ZFP36L1: variants seen among roughly 807,000 people sequenced by gnomAD.
ZFP36L1 encodes the protein mRNA decay activator protein ZFP36L1.
In ZFP36L1, 4 loss-of-function variants were observed where a neutral mutation model predicts 16.7. The ratio of observed to expected loss-of-function variants is 0.24; its 90% CI spans 0.12 to 0.55. ZFP36L1 has a LOEUF of 0.55. Among genes scored for constraint, ZFP36L1 ranks in the 20% least tolerant of loss-of-function variants. The pLI, the probability that ZFP36L1 is intolerant of heterozygous loss-of-function variation, is 0.94. For missense variants in ZFP36L1, 311 were observed against 449.2 expected (o/e 0.69, Z 2.78); for synonymous variants, 220 against 190.8 (o/e 1.15, Z -1.26).
chr14:68,789,384 G>C lies in ZFP36L1; in HGVS notation c.*149C>G. Reference sequence around the variant, plus strand: ...TGGGGTTATGAGGGGGAGAGGGAGGGCACATTCTGAGGTGCTGGGGGAAAG... The same window carrying C: ...TGGGGTTATGAGGGGGAGAGGGAGGCCACATTCTGAGGTGCTGGGGGAAAG... On this transcript the variant is annotated 3_prime_UTR_variant, in exon 2 of 2. Transcript: ENST00000439696. This position sits in a 1 kb window ranked among gnomAD's most constrained non-coding sequence, Gnocchi z 4.5. 8.4e-7 allele frequency: 1 copy of C among 1,183,918 alleles called. No homozygotes were observed. 73.3% of individuals were successfully genotyped at this position (1,183,918 alleles called of 1,614,324 possible).
At position 68,789,189 on chromosome 14, in the gene ZFP36L1, T is replaced by C; in HGVS notation, c.*344A>G. On this transcript the variant is annotated 3_prime_UTR_variant, in exon 2 of 2. Coordinates refer to ENST00000439696, the MANE Select transcript of ZFP36L1 (RefSeq NM_004926.4). The surrounding 1 kb of genome is among the most constrained non-coding windows in gnomAD (Gnocchi z 4.5). ...CTAAGTTGCTTCTGTAAACTGTTAC[T>C]GCTTTTTCTCTTGTGATTTGGCACT... is the stretch of plus-strand genomic sequence containing the variant. 3.7e-6 allele frequency: 1 copy of C among 266,740 alleles called. No homozygotes were observed. The highest frequency in any genetic ancestry group is 7.3e-6 in the Non-Finnish European group (1 of 137,766). The allele number at this position is 266,740 out of a possible 1,614,324, so 16.5% of individuals were successfully genotyped here.
At chr14:68,796,109 C>T (rs1489606392), upstream of ZFP36L1, 1 of 1,363,304 alleles carries the variant, frequency 7.3e-7, no homozygotes, top group Non-Finnish European at 9.8e-7. Flanking sequence ...GGCGGTGGGC[C>T]GGCTCCTCTG....
chr14:68,787,720 T>A lies in ZFP36L1; in HGVS notation c.*1813A>T, dbSNP rs925972761. The A allele has an allele frequency of 2.0e-4, 22 of 110,846 alleles. No homozygotes were observed. Among genetic ancestry groups the A allele is most frequent in the African/African-American group, 7.4e-4 (21 of 28,240 alleles). The allele number at this position is 110,846 out of a possible 1,614,324, so 6.9% of individuals were successfully genotyped here. A position where few individuals can be genotyped will look rare whatever the true frequency, so the allele number is the denominator to read the frequency against. ...ACTGCAAATAGTCGTTACAAAAAGT[T>A]TTTTTTTCTTTTAAATAAATTCACA... On this transcript the variant is annotated 3_prime_UTR_variant, in exon 2 of 2. Coordinates refer to ENST00000439696, the MANE Select transcript of ZFP36L1 (RefSeq NM_004926.4).
intron 1 of ZFP36L1, among the ~76,000 whole-genome samples, chr14:68,792,258 C>T (rs1191896131): frequency 1.3e-5 from 2 of 150,440 alleles, no homozygotes; most frequent in African/African-American, 2.4e-5. Context: ...AACCTGAATG[C>T]CTCTTTCACC....
At chr14:68,794,478 C>T (rs1895195779), upstream of ZFP36L1, 1 of 152,272 alleles carries the variant, frequency 6.6e-6, no homozygotes, top group African/African-American at 2.4e-5. Flanking sequence ...CTTGGCCCGA[C>T]TGCTGGCGTG....
chr14:68,791,336 A>C, intron 1 of ZFP36L1: 1 of 479,954 alleles, frequency 2.1e-6, no homozygotes. Flanking sequence ...GAAAGCACCA[A>C]CCCCCCTACC....
chr14:68,795,319 C>G (rs1321426636), upstream of ZFP36L1, among the ~76,000 whole-genome samples: 1 of 142,980 alleles, frequency 7.0e-6, no homozygotes, highest in East Asian at 2.3e-4. Flanking sequence ...CCACCCCCCA[C>G]CCCCCCCAAA....
intron 1 of ZFP36L1, 66 bp downstream of exon 1, chr14:68,792,816 T>TGGG: frequency 1.2e-6 from 2 of 1,606,754 alleles, no homozygotes; most frequent in South Asian, 1.1e-5. Flanking sequence ...CCCAAACTTT[T>TGGG]GGGGGTTCTT....
At chr14:68,791,710 AGAAG>A (rs909877603) in intron 1 of ZFP36L1, among the ~76,000 whole-genome samples, 14 of 152,120 alleles carry the variant, frequency 9.2e-5, no homozygotes, top group African/African-American at 3.4e-4. Flanking sequence ...AGTCGAGAAA[AGAAG>A]GAAGAAATGT....
At chr14:68,793,231 G>A (rs577655482), upstream of ZFP36L1, 187 of 1,017,520 alleles carry the variant, frequency 1.8e-4, no homozygotes, top group Non-Finnish European at 2.0e-4. Context: ...GCAGGGGGAG[G>A]AGAAGAAACT....
At chr14:68,795,699 G>A, upstream of ZFP36L1, 1 of 490,514 alleles carries the variant, frequency 2.0e-6, no homozygotes, top group Non-Finnish European at 4.2e-6. Context: ...GCTCGCTCCC[G>A]AGTTGTTTAC....
chr14:68,794,071 C>A, upstream of ZFP36L1: 1 of 452,484 alleles, frequency 2.2e-6, no homozygotes, highest in Non-Finnish European at 2.9e-6. Context: ...CCCTTCCTCC[C>A]AGAAAAAGCC....
At chr14:68,795,863 C>T (rs765226698), upstream of ZFP36L1, 6 of 592,470 alleles carry the variant, frequency 1.0e-5, no homozygotes, top group East Asian at 3.2e-4. Flanking sequence ...CTTCGCTGAC[C>T]CGGCGTCCCC....
At chr14:68,792,412 A>C (rs576471528) in intron 1 of ZFP36L1, among the ~76,000 whole-genome samples, 2 of 152,114 alleles carry the variant, frequency 1.3e-5, no homozygotes, top group Admixed American at 6.5e-5. Context: ...AGCTCCCCCC[A>C]AAGAGTGGAG....
upstream of ZFP36L1, chr14:68,793,643 A>C (rs1895171876): frequency 1.0e-6 from 1 of 985,496 alleles, no homozygotes; most frequent in African/African-American, 1.7e-5. Flanking sequence ...GTGTCTGCAC[A>C]ACTTACCTTT....
At position 68,792,832 on chromosome 14, in the gene ZFP36L1, AG is replaced by A. The variant is rs1566561119; in HGVS notation, c.57+49del. Reference sequence around the variant, plus strand: ...CCAAACTTTTGGGGGTTCTTTCTTAAGGCAAAAGAAAAAGACTTTTTGAAAA... The same window carrying A: ...CCAAACTTTTGGGGGTTCTTTCTTAAGCAAAAGAAAAAGACTTTTTGAAAA... On this transcript the variant is annotated intron_variant, in intron 1 of 1. Coordinates refer to ENST00000439696, the MANE Select transcript of ZFP36L1 (RefSeq NM_004926.4). The A allele has an allele frequency of 3.1e-6, 5 of 1,612,056 alleles. No individual in the cohort carries two copies. The Admixed American group carries it at 8.3e-5, about 27-fold the overall frequency.
At chr14:68,791,113 T>C (rs1374066755) in intron 1 of ZFP36L1, 1 of 695,176 alleles carries the variant, frequency 1.4e-6, no homozygotes, top group East Asian at 2.7e-5. Flanking sequence ...GAGACAGGGA[T>C]GTGATTCCTG....
upstream of ZFP36L1, chr14:68,795,895 C>T: frequency 1.2e-6 from 1 of 821,152 alleles, no homozygotes; most frequent in Non-Finnish European, 1.9e-6. Context: ...GGCCCGAGGG[C>T]GGGAGCCGAC....
chr14:68,794,989 G>A (rs1407928343), upstream of ZFP36L1, among the ~76,000 whole-genome samples: 1 of 152,110 alleles, frequency 6.6e-6, no homozygotes, highest in African/African-American at 2.4e-5. Flanking sequence ...CCAGCCGTCT[G>A]TTGCTTCCCT....
Sources: gnomAD v4.1 joint callset for allele counts (sites outside exome capture counted in the v4.1 genomes callset) on GRCh38, gnomAD v4.1.1 for gene constraint, Gnocchi (gnomAD v3.1) non-coding constraint, MANE v1.5 for transcripts, NCBI Gene and HGNC (gene_info 2026-07-23, HGNC 2026-07-21) for gene names.